The following MCPH1 variants were observed in gnomAD, a reference collection of about 807,000 sequenced individuals.
The protein encoded by MCPH1 is microcephalin.
Under a neutral mutation model 84.5 loss-of-function variants are expected in MCPH1, and 104 were observed. That is an observed-to-expected ratio of 1.23 (90% CI 1.05 to 1.45). The LOEUF (loss-of-function observed/expected upper bound fraction) is 1.45, where lower values mean the gene tolerates loss of function less well. MCPH1 is among the 40% of genes most tolerant of loss of function. The probability of loss-of-function intolerance (pLI) is 0.00; values close to 1 mark genes in which losing one functional copy is unlikely to be tolerated. For synonymous variants in MCPH1, 514 were observed against 366.8 expected, an observed-to-expected ratio of 1.40 and a Z score of -4.58; for missense variants, 1,498 against 1,005.7, an observed-to-expected ratio of 1.49 and a Z score of -6.62.
intron 13 of MCPH1, among the ~76,000 whole-genome samples, chr8:6,628,294 C>A (rs1446221357): frequency 6.6e-6 from 1 of 151,792 alleles, no homozygotes; most frequent in Non-Finnish European, 1.5e-5. Flanking sequence ...CACAGTGAAA[C>A]CCCGTCTCTA....
chr8:6,420,711 A>G (rs1290268916), intron 3 of MCPH1, among the ~76,000 whole-genome samples: 3 of 152,310 alleles, frequency 2.0e-5, no homozygotes, highest in Non-Finnish European at 2.9e-5. Flanking sequence ...CAGTTACTGT[A>G]GCAGCCTCAT....
intron 8 of MCPH1, among the ~76,000 whole-genome samples, chr8:6,448,221 G>A (rs1563225755): frequency 6.6e-6 from 1 of 152,246 alleles, no homozygotes; most frequent in Non-Finnish European, 1.5e-5. Context: ...GCTTCCCTGA[G>A]AAGGTGACAT....
chr8:6,424,293 AAC>A lies in MCPH1; in HGVS notation c.234-7204_234-7203del, dbSNP rs1403866487. On this transcript the variant is annotated intron_variant, in intron 3 of 13. Coordinates refer to ENST00000344683, the MANE Select transcript of MCPH1 (RefSeq NM_024596.5). ...TATCATTTTTAAACAACTGCAAACT[AAC>A]AGCTAGGTGGGGAATACGGTTCACA... Among the ~76,000 whole-genome samples the A allele has an allele frequency of 3.9e-5, 6 of 152,290 alleles. No individual in the cohort carries two copies. In the East Asian group the frequency reaches 1.2e-3, roughly 29 times the overall value.
chr8:6,532,786 G>C (rs1212312502), intron 12 of MCPH1, among the ~76,000 whole-genome samples: 1 of 152,220 alleles, frequency 6.6e-6, no homozygotes, highest in African/African-American at 2.4e-5. Flanking sequence ...ACAGAGGGTG[G>C]TGAGGGCAGC....
At chr8:6,632,577 AG>A (rs756117243) in intron 13 of MCPH1, among the ~76,000 whole-genome samples, 4 of 152,192 alleles carry the variant, frequency 2.6e-5, no homozygotes, top group Non-Finnish European at 5.9e-5. Context: ...TGGAAGGCCG[AG>A]GGGGGCGGAT....
chr8:6,556,677 C>A (rs187121693), intron 12 of MCPH1, among the ~76,000 whole-genome samples: 2 of 152,086 alleles, frequency 1.3e-5, no homozygotes, highest in East Asian at 3.9e-4. Flanking sequence ...GCAATGGCAC[C>A]ATCATAGTTC....
At position 6,609,819 on chromosome 8, in the gene MCPH1, G is replaced by GCCCCCCC. The variant is rs11280683; in HGVS notation, c.2215-11631_2215-11625dup. 2.2e-3 allele frequency among the ~76,000 whole-genome samples: 224 copies of GCCCCCCC among 103,862 alleles called. 12 individuals are homozygous for GCCCCCCC. Among genetic ancestry groups the GCCCCCCC allele is most frequent in the Middle Eastern group, 5.6e-3 (1 of 180 alleles). The allele number at this position is 103,862 out of a possible 152,430, so 68.1% of individuals were successfully genotyped here. A position where few individuals can be genotyped will look rare whatever the true frequency, so the allele number is the denominator to read the frequency against. On this transcript the variant is annotated intron_variant, in intron 12 of 13. Coordinates refer to ENST00000344683, the MANE Select transcript of MCPH1 (RefSeq NM_024596.5). ...TCTCATTATCAAAGCAATGCCCCCCGCCCCCCCCCCACACACAGACTGCCA... is the reference window on the plus strand; with the variant it reads ...TCTCATTATCAAAGCAATGCCCCCCGCCCCCCCCCCCCCCCCCACACACAGACTGCCA...
Position 6,444,994 on chromosome 8 carries a change from G to A in MCPH1, c.1272G>A (p.Arg424=). The A allele has an allele frequency of 6.2e-7, 1 of 1,614,170 alleles. No homozygotes were observed. Among genetic ancestry groups the A allele is most frequent in the Non-Finnish European group, 8.5e-7 (1 of 1,180,032 alleles). ...DYFSPDNLKE[R]YSENLPPESQ... Reference sequence around the variant, plus strand: ...TTTCACCTGATAATCTTAAGGAAAGGTATTCAGAGAATCTTCCTCCTGAAT... The same window carrying A: ...TTTCACCTGATAATCTTAAGGAAAGATATTCAGAGAATCTTCCTCCTGAAT... Residue 424 remains arginine, a synonymous_variant, in exon 8 of 14, where the codon AGG becomes AGA. Coordinates refer to ENST00000344683, the MANE Select transcript of MCPH1 (RefSeq NM_024596.5).
chr8:6,562,578 T>TTTTTTTTTTTTAAA, intron 12 of MCPH1: 1 of 880,186 alleles, frequency 1.1e-6, no homozygotes, highest in Non-Finnish European at 1.6e-6. Flanking sequence ...TTTTGGTTGT[T>TTTTTTTTTTTTAAA]AAAACCTGAG....
At chr8:6,541,560 G>A (rs1821581786) in intron 12 of MCPH1, among the ~76,000 whole-genome samples, 1 of 152,188 alleles carries the variant, frequency 6.6e-6, no homozygotes, top group South Asian at 2.1e-4. Flanking sequence ...ACGCTCGGCA[G>A]GTCCTTGGTG....
chr8:6,462,293 A>G lies in MCPH1; in HGVS notation c.1935+7041A>G, dbSNP rs1042876488. ...CTTGTTCTTACATCTTTGCTAGAAT[A>G]TGAGCCCATAAGGACATAGTCTATA... On this transcript the variant is annotated intron_variant, in intron 9 of 13. Coordinates refer to ENST00000344683, the MANE Select transcript of MCPH1 (RefSeq NM_024596.5). Among the ~76,000 whole-genome samples the G allele has an allele frequency of 3.5e-4, 53 of 152,364 alleles. 1 individual carries two copies. Among genetic ancestry groups the G allele is most frequent in the African/African-American group, 1.2e-3 (50 of 41,584 alleles).
At chr8:6,456,931 T>C (rs1805742066) in intron 9 of MCPH1, among the ~76,000 whole-genome samples, 1 of 152,140 alleles carries the variant, frequency 6.6e-6, no homozygotes, top group South Asian at 2.1e-4. Flanking sequence ...TCACTGTAAA[T>C]GGCATATGAA....
chr8:6,417,176 T>C (rs941746776), intron 3 of MCPH1, among the ~76,000 whole-genome samples: 6 of 152,254 alleles, frequency 3.9e-5, no homozygotes, highest in Non-Finnish European at 8.8e-5. Flanking sequence ...TATTTCTTCA[T>C]CTATCTTTTC....
rs764585700 is a variant in MCPH1, at chr8:6,621,606, C to G, written c.2367C>G (p.Val789=). The G allele has an allele frequency of 1.2e-6, 2 of 1,614,096 alleles. No homozygotes were observed. Among genetic ancestry groups the G allele is most frequent in the African/African-American group, 2.7e-5 (2 of 74,938 alleles). Residue 789 remains valine, a synonymous_variant, in exon 13 of 14, where the codon GTC becomes GTG. Coordinates refer to ENST00000344683, the MANE Select transcript of MCPH1 (RefSeq NM_024596.5). The part of the protein sequence containing the change: ...VHLCGGRVSQ[V]PRQASIVIGP... ...TGTGCGGAGGCCGGGTCAGCCAAGT[C>G]CCCCGCCAGGCCAGCATCGTCATCG... is the stretch of plus-strand genomic sequence containing the variant.
At chr8:6,497,956 T>C (rs1811451889) in intron 11 of MCPH1, among the ~76,000 whole-genome samples, 1 of 152,180 alleles carries the variant, frequency 6.6e-6, no homozygotes, top group Non-Finnish European at 1.5e-5. Flanking sequence ...CAAAGAACTC[T>C]CAATGCTCTC....
At chr8:6,468,646 GTT>G (rs57281899) in intron 9 of MCPH1, among the ~76,000 whole-genome samples, 1,877 of 132,864 alleles carry the variant, frequency 0.014, 37 homozygotes, top group African/African-American at 0.043. Context: ...CATTTTTTTG[GTT>G]TTTTTTTTTT....
intron 9 of MCPH1, among the ~76,000 whole-genome samples, chr8:6,472,052 G>C (rs1178164659): frequency 1.3e-5 from 2 of 152,148 alleles, no homozygotes; most frequent in African/African-American, 2.4e-5. Flanking sequence ...AAAAGTTCTA[G>C]ATACAGCATC....
At chr8:6,581,756 G>T in intron 12 of MCPH1, among the ~76,000 whole-genome samples, 1 of 152,132 alleles carries the variant, frequency 6.6e-6, no homozygotes, top group Non-Finnish European at 1.5e-5. Flanking sequence ...CAAACTGGGT[G>T]TCTTATAAAC....
At chr8:6,425,242 G>C (rs2129553222) in intron 3 of MCPH1, among the ~76,000 whole-genome samples, 1 of 152,336 alleles carries the variant, frequency 6.6e-6, no homozygotes, top group South Asian at 2.1e-4. Context: ...AGGTCAAATA[G>C]TTGGTTCTCT....
Sources: gnomAD v4.1 joint callset for allele counts (sites outside exome capture counted in the v4.1 genomes callset) on GRCh38, gnomAD v4.1.1 for gene constraint, MANE v1.5 for transcripts, NCBI Gene and HGNC (gene_info 2026-07-23, HGNC 2026-07-21) for gene names.